CELF2: variants seen among roughly 807,000 people sequenced by gnomAD.
CELF2 encodes CUGBP Elav-like family member 2.
Under a neutral mutation model 62.6 loss-of-function variants are expected in CELF2, and 8 were observed. That is an observed-to-expected ratio of 0.13 (90% CI 0.07 to 0.23). The LOEUF (loss-of-function observed/expected upper bound fraction) is 0.23, where lower values mean the gene tolerates loss of function less well. Ranked by LOEUF, CELF2 falls within the 10% of genes least tolerant of loss-of-function variation. CELF2 has a pLI of 1.00. For synonymous variants in CELF2, 258 were observed against 250.0 expected (o/e 1.03, Z -0.30); for missense variants, 333 against 671.0 (o/e 0.50, Z 5.56).
chr10:10,467,207 A>G, the CELF2 span, among the ~76,000 whole-genome samples: 2 of 152,090 alleles, frequency 1.3e-5, no homozygotes, highest in Non-Finnish European at 2.9e-5. Context: ...TATAAATTTT[A>G]TAATTTCAGT....
At chr10:10,605,121 A>C in the CELF2 span, among the ~76,000 whole-genome samples, 1 of 152,202 alleles carries the variant, frequency 6.6e-6, no homozygotes. Flanking sequence ...GTCCTTTGCA[A>C]GGACATGGAT....
At chr10:10,493,074 G>C in the CELF2 span, among the ~76,000 whole-genome samples, 5 of 152,308 alleles carry the variant, frequency 3.3e-5, no homozygotes, top group East Asian at 9.6e-4. Context: ...TTAGCAGCAT[G>C]AGAACAAACT....
chr10:11,265,949 C>T (rs545073740), intron 5 of CELF2, among the ~76,000 whole-genome samples: 5 of 152,092 alleles, frequency 3.3e-5, no homozygotes, highest in East Asian at 3.9e-4. Flanking sequence ...TGAATATTCT[C>T]GGAGTAATGG....
At chr10:10,557,437 C>A in the CELF2 span, among the ~76,000 whole-genome samples, 10 of 142,774 alleles carry the variant, frequency 7.0e-5, no homozygotes, top group Non-Finnish European at 1.5e-4. Context: ...GTTACTGTAG[C>A]CTTGCAGTAA....
chr10:10,956,166 G>A (rs1041242111), intron 2 of CELF2, among the ~76,000 whole-genome samples: 7 of 152,144 alleles, frequency 4.6e-5, no homozygotes, highest in Non-Finnish European at 7.4e-5. Flanking sequence ...TAAGTTTGAT[G>A]GGGAGCTTAC....
chr10:11,302,164 T>C lies in CELF2; in HGVS notation c.977-11975T>C, dbSNP rs112287726. ...CACCTAGTTTTTGACTCTGGGTTCC[T>C]TGGTGCCCAGTGACTGTTGCCCTTT... is the stretch of plus-strand genomic sequence containing the variant. On this transcript the variant is annotated intron_variant, in intron 9 of 12. Transcript: ENST00000633077. The surrounding 1 kb of genome is among the most constrained non-coding windows in gnomAD (Gnocchi z 5.0). Among the ~76,000 whole-genome samples the C allele has an allele frequency of 1.9e-3, 283 of 152,362 alleles. 1 individual carries two copies. Among genetic ancestry groups the C allele is most frequent in the African/African-American group, 6.4e-3 (265 of 41,582 alleles).
chr10:10,949,364 C>T (rs1013632304), intron 2 of CELF2, among the ~76,000 whole-genome samples: 1 of 152,138 alleles, frequency 6.6e-6, no homozygotes, highest in African/African-American at 2.4e-5. Flanking sequence ...AGTGATCTCC[C>T]CAGACCTGGC....
the CELF2 span, among the ~76,000 whole-genome samples, chr10:10,758,415 C>T: frequency 6.6e-6 from 1 of 152,160 alleles, no homozygotes. Context: ...TAGTGGGAAA[C>T]CCTGGGAGGT....
chr10:10,659,843 T>A, the CELF2 span, among the ~76,000 whole-genome samples: 3 of 152,182 alleles, frequency 2.0e-5, no homozygotes, highest in Admixed American at 2.0e-4. Context: ...CAAAGAGACT[T>A]AGCAGGGTTG....
At chr10:10,527,482 T>A in the CELF2 span, among the ~76,000 whole-genome samples, 5 of 151,510 alleles carry the variant, frequency 3.3e-5, no homozygotes, top group East Asian at 1.9e-4. Flanking sequence ...CTATAGAGTT[T>A]AAAAATAAAA....
chr10:10,986,617 G>A (rs1285264323), intron 2 of CELF2, among the ~76,000 whole-genome samples: 1 of 152,200 alleles, frequency 6.6e-6, no homozygotes, highest in African/African-American at 2.4e-5. Context: ...TTGGAATACA[G>A]TTCCATTCAT....
chr10:10,991,291 A>T (rs1259997820), intron 2 of CELF2, among the ~76,000 whole-genome samples: 2 of 152,196 alleles, frequency 1.3e-5, no homozygotes, highest in Non-Finnish European at 2.9e-5. Flanking sequence ...AGTTCAGCTG[A>T]CGACAGCTAA....
At chr10:10,515,846 C>T in the CELF2 span, among the ~76,000 whole-genome samples, 15 of 152,270 alleles carry the variant, frequency 9.9e-5, no homozygotes, top group African/African-American at 2.9e-4. Flanking sequence ...CATTATTTTT[C>T]GCATTGAACA....
chr10:10,766,238 G>A, the CELF2 span, among the ~76,000 whole-genome samples: 2 of 152,198 alleles, frequency 1.3e-5, no homozygotes, highest in Non-Finnish European at 2.9e-5. Context: ...CATCCTGGCC[G>A]AGGTTTACCC....
intron 2 of CELF2, among the ~76,000 whole-genome samples, chr10:10,974,127 T>C (rs1306851366): frequency 6.6e-6 from 1 of 152,202 alleles, no homozygotes; most frequent in African/African-American, 2.4e-5. Flanking sequence ...AAACTGAGTA[T>C]AGAAATATCT....
At chr10:10,772,240 G>A in the CELF2 span, among the ~76,000 whole-genome samples, 1 of 152,190 alleles carries the variant, frequency 6.6e-6, no homozygotes, top group Non-Finnish European at 1.5e-5. Context: ...AGAGTCACAT[G>A]GGAGGGAATT....
intron 1 of CELF2, among the ~76,000 whole-genome samples, chr10:10,863,460 G>A (rs554654994): frequency 1.3e-5 from 2 of 152,252 alleles, no homozygotes; most frequent in African/African-American, 4.8e-5. Flanking sequence ...TGATGTTGAC[G>A]AGCTATGTGA....
intron 9 of CELF2, among the ~76,000 whole-genome samples, chr10:11,298,041 T>G (rs2093366027): frequency 1.3e-5 from 2 of 152,198 alleles, no homozygotes; most frequent in Admixed American, 6.5e-5. Flanking sequence ...GGGAAGAAGT[T>G]TTTATGTTTT....
chr10:10,625,699 A>G, the CELF2 span, among the ~76,000 whole-genome samples: 3 of 152,242 alleles, frequency 2.0e-5, no homozygotes, highest in East Asian at 5.8e-4. Context: ...TCTTCACTGC[A>G]TCCTTCCCCT....
Sources: allele counts gnomAD v4.1 joint callset (sites outside exome capture counted in the v4.1 genomes callset), GRCh38; gene constraint gnomAD v4.1.1; non-coding constraint Gnocchi (gnomAD v3.1); transcripts MANE v1.5; gene names NCBI Gene and HGNC (gene_info 2026-07-23, HGNC 2026-07-21).